The following SRFBP1 variants were observed in gnomAD, a reference collection of about 807,000 sequenced individuals.
The protein encoded by SRFBP1 is serum response factor-binding protein 1.
Under a neutral mutation model 45.5 loss-of-function variants are expected in SRFBP1, and 47 were observed. The ratio of observed to expected loss-of-function variants is 1.03; its 90% CI spans 0.82 to 1.32. The LOEUF is 1.32. Among genes scored for constraint, SRFBP1 ranks in the 40% most tolerant of loss-of-function variants. The pLI is 0.00. For missense variants in SRFBP1, 621 were observed against 484.6 expected (o/e 1.28, Z -2.64); for synonymous variants, 203 against 166.3 (o/e 1.22, Z -1.70).
chr5:122,075,047 TAAA>T (rs1180142408), intron 2 of SRFBP1, among the ~76,000 whole-genome samples: 2 of 152,354 alleles, frequency 1.3e-5, no homozygotes, highest in East Asian at 3.9e-4. Context: ...ATGCTTGTGA[TAAA>T]AAACGTGTGG....
chr5:122,039,699 A>G (rs1208748589), intron 2 of SRFBP1, among the ~76,000 whole-genome samples: 2 of 152,130 alleles, frequency 1.3e-5, no homozygotes, highest in Non-Finnish European at 2.9e-5. Flanking sequence ...AATTGCATTG[A>G]GCAGATCCTC....
At chr5:122,077,711 A>G (rs1163589380), downstream of SRFBP1, 2 of 1,590,758 alleles carry the variant, frequency 1.3e-6, no homozygotes, top group East Asian at 2.3e-5. The surrounding 1 kb of genome is among the most constrained non-coding windows in gnomAD (Gnocchi z 4.9). Flanking sequence ...GCGGATCAGC[A>G]GGATCGGAGT....
intron 1 of SRFBP1, among the ~76,000 whole-genome samples, chr5:121,965,512 T>G (rs973004334): frequency 6.6e-6 from 1 of 152,188 alleles, no homozygotes; most frequent in African/African-American, 2.4e-5. Flanking sequence ...ATGTGTGGTG[T>G]TGTTTCTGAG....
chr5:122,049,412 C>T (rs1180422191), intron 2 of SRFBP1, among the ~76,000 whole-genome samples: 1 of 152,080 alleles, frequency 6.6e-6, no homozygotes, highest in African/African-American at 2.4e-5. Context: ...CTTAGACTCC[C>T]ACACAATAAT....
At chr5:122,018,417 G>A (rs1190592333) in intron 4 of SRFBP1, among the ~76,000 whole-genome samples, 1 of 152,154 alleles carries the variant, frequency 6.6e-6, no homozygotes, top group African/African-American at 2.4e-5. Flanking sequence ...GAACCACAGG[G>A]TGTATTGTGA....
At chr5:121,980,288 C>G (rs1477076423) in intron 3 of SRFBP1, among the ~76,000 whole-genome samples, 1 of 152,082 alleles carries the variant, frequency 6.6e-6, no homozygotes, top group Non-Finnish European at 1.5e-5. Flanking sequence ...TGTATCACAT[C>G]CATGTTTGTA....
At chr5:122,007,141 G>A (rs1448926867) in intron 4 of SRFBP1, among the ~76,000 whole-genome samples, 4 of 152,082 alleles carry the variant, frequency 2.6e-5, no homozygotes, top group African/African-American at 9.7e-5. Context: ...TGGAATCTTT[G>A]GGCATGCCGG....
intron 2 of SRFBP1, among the ~76,000 whole-genome samples, chr5:122,041,219 A>G (rs961986943): frequency 5.3e-5 from 8 of 152,110 alleles, no homozygotes; most frequent in Non-Finnish European, 1.2e-4. Flanking sequence ...AGAGAGAGTG[A>G]TGGATATTTG....
rs1035922164 is a variant in SRFBP1 at position 122,020,357 on chromosome 5, T to C, written c.622T>C (p.Ser208Pro). The change falls in exon 6 of 8, where the codon TCA becomes CCA. Residue 208 changes from serine (S) to proline (P), a missense_variant. Physicochemically the swap from Ser to Pro is moderately conservative, Grantham distance 74 (BLOSUM62 -1). Coordinates refer to ENST00000339397, the MANE Select transcript of SRFBP1 (RefSeq NM_152546.3). ...TATTGCAAATTCTCCATCAAAGCCT[T>C]CAGAAAAGGATTCTGTAGTTTCCCT... ...VTIANSPSKP[S>P]EKDSVVSLES... The C allele has an allele frequency of 6.2e-7, 1 of 1,614,022 alleles. No homozygotes were observed. Among genetic ancestry groups the C allele is most frequent in the African/African-American group, 1.3e-5 (1 of 75,020 alleles).
At chr5:122,045,082 G>T (rs950729517) in intron 2 of SRFBP1, among the ~76,000 whole-genome samples, 1 of 152,084 alleles carries the variant, frequency 6.6e-6, no homozygotes. Context: ...CATATGGCTA[G>T]CCCATCATCC....
At chr5:122,003,763 A>G (rs1185047826) in intron 4 of SRFBP1, among the ~76,000 whole-genome samples, 1 of 152,160 alleles carries the variant, frequency 6.6e-6, no homozygotes, top group Admixed American at 6.5e-5. Context: ...CTTATGGGTT[A>G]GAGGTGATAT....
chr5:121,994,512 TAAG>T, intron 3 of SRFBP1, 84 bp from the exon 4 acceptor site: 1 of 797,528 alleles, frequency 1.3e-6, no homozygotes. Flanking sequence ...TATTTAATAT[TAAG>T]TTTCTTAAGA....
At chr5:121,976,684 A>G (rs1000070629) in intron 3 of SRFBP1, among the ~76,000 whole-genome samples, 10 of 151,238 alleles carry the variant, frequency 6.6e-5, no homozygotes, top group Non-Finnish European at 1.3e-4. Context: ...GAGCTACTAT[A>G]TAATTGCTGA....
At chr5:122,077,377 G>T (rs972838662), downstream of SRFBP1, 1 of 1,613,920 alleles carries the variant, frequency 6.2e-7, no homozygotes, top group Admixed American at 1.7e-5. This position sits in a 1 kb window ranked among gnomAD's most constrained non-coding sequence, Gnocchi z 4.9. Flanking sequence ...AGCCAGTGCC[G>T]TATCCGGGCC....
chr5:122,077,116 T>C, downstream of SRFBP1: 11 of 1,496,270 alleles, frequency 7.4e-6, no homozygotes, highest in Non-Finnish European at 9.8e-6. The surrounding 1 kb of genome is among the most constrained non-coding windows in gnomAD (Gnocchi z 4.9). Flanking sequence ...GACTGCAGAG[T>C]GGAGCGGAGG....
downstream of SRFBP1, among the ~76,000 whole-genome samples, chr5:122,030,998 A>G (rs1233799948): frequency 6.6e-6 from 1 of 152,180 alleles, no homozygotes; most frequent in Non-Finnish European, 1.5e-5. Flanking sequence ...CTAAACTCTC[A>G]CCAATGGCTG....
chr5:122,032,831 A>T (rs146400707), downstream of SRFBP1, among the ~76,000 whole-genome samples: 461 of 152,340 alleles, frequency 3.0e-3, 3 homozygotes, highest in Admixed American at 0.011. Context: ...GTAAATGCAT[A>T]TGTAGTTTTG....
chr5:122,027,177 T>G lies in SRFBP1; in HGVS notation c.*51T>G, dbSNP rs1294600227. ...CCATCTAAAAAAAAAAATGTTTTTT[T>G]TAAGACAGGATCTCATTCTGTTGCC... is the stretch of plus-strand genomic sequence containing the variant. On this transcript the variant is annotated 3_prime_UTR_variant, in exon 8 of 8. Transcript: ENST00000339397. 1 of 1,452,234 alleles carries G rather than the reference T, an allele frequency of 6.9e-7. No homozygotes were observed. The highest frequency in any genetic ancestry group is 9.4e-7 in the Non-Finnish European group (1 of 1,061,948). 90.0% of individuals were successfully genotyped at this position (1,452,234 alleles called of 1,614,324 possible). A position where few individuals can be genotyped will look rare whatever the true frequency, so the allele number is the denominator to read the frequency against.
chr5:122,066,567 T>A (rs1754303764), intron 2 of SRFBP1: 1 of 514,408 alleles, frequency 1.9e-6, no homozygotes, highest in African/African-American at 1.9e-5. Context: ...TAATGATGAC[T>A]TAAGCGTTCA....
Sources: allele counts gnomAD v4.1 joint callset (sites outside exome capture counted in the v4.1 genomes callset), GRCh38; gene constraint gnomAD v4.1.1; non-coding constraint Gnocchi (gnomAD v3.1); transcripts MANE v1.5; gene names NCBI Gene and HGNC (gene_info 2026-07-23, HGNC 2026-07-21).